SGCD: variants seen among roughly 807,000 people sequenced by gnomAD.
The protein encoded by SGCD is delta-sarcoglycan.
A neutral mutation model predicts 36.6 loss-of-function variants in SGCD; 18 were observed. The ratio of observed to expected loss-of-function variants is 0.49; its 90% CI spans 0.34 to 0.73. The LOEUF (loss-of-function observed/expected upper bound fraction) is 0.73. Among genes scored for constraint, SGCD ranks in the 30% least tolerant of loss-of-function variants. The probability of loss-of-function intolerance (pLI) is 0.01; values close to 1 mark genes in which losing one functional copy is unlikely to be tolerated. For synonymous variants in SGCD, 133 were observed against 130.6 expected, an observed-to-expected ratio of 1.02 and a Z score of -0.12; for missense variants, 387 against 346.7, an observed-to-expected ratio of 1.12 and a Z score of -0.92.
chr5:156,352,158 A>T (rs7447475), intron 3 of SGCD, among the ~76,000 whole-genome samples: 1 of 152,040 alleles, frequency 6.6e-6, no homozygotes, highest in Non-Finnish European at 1.5e-5. Context: ...TGTAGTATTG[A>T]TCATGTAGAC....
chr5:156,089,405 T>C (rs1047398966), intron 1 of SGCD, among the ~76,000 whole-genome samples: 1 of 152,226 alleles, frequency 6.6e-6, no homozygotes, highest in African/African-American at 2.4e-5. Flanking sequence ...ATTAAATCTG[T>C]AATGCTTGAC....
chr5:156,286,445 C>G (rs1766599428), intron 3 of SGCD, among the ~76,000 whole-genome samples: 1 of 152,162 alleles, frequency 6.6e-6, no homozygotes, highest in Admixed American at 6.5e-5. Context: ...CAATGATAGA[C>G]TGGATTAAGA....
intron 3 of SGCD, among the ~76,000 whole-genome samples, chr5:156,376,635 T>C (rs1265343159): frequency 6.6e-6 from 1 of 152,150 alleles, no homozygotes; most frequent in East Asian, 1.9e-4. Flanking sequence ...TAGAATAAAA[T>C]GGTTTATGTG....
intron 3 of SGCD, among the ~76,000 whole-genome samples, chr5:156,450,386 G>T (rs1158463022): frequency 3.3e-5 from 5 of 152,034 alleles, no homozygotes. Flanking sequence ...GGGGCTTAAG[G>T]AGACAGTAAA....
chr5:155,979,728 G>A (rs188238640), intron 1 of SGCD, among the ~76,000 whole-genome samples: 1 of 152,136 alleles, frequency 6.6e-6, no homozygotes, highest in South Asian at 2.1e-4. Context: ...GACAGCTGAG[G>A]GCTGTCTGCT....
chr5:156,573,775 C>T (rs1213561686), intron 4 of SGCD, among the ~76,000 whole-genome samples: 1 of 152,130 alleles, frequency 6.6e-6, no homozygotes, highest in Non-Finnish European at 1.5e-5. Context: ...CTCACTGTAA[C>T]CTCAAACTCC....
At chr5:156,423,347 ATAATTT>A (rs1287596706) in intron 3 of SGCD, among the ~76,000 whole-genome samples, 1 of 37,476 alleles carries the variant, frequency 2.7e-5, no homozygotes, top group Non-Finnish European at 4.7e-5. Context: ...ATAATATATT[ATAATTT>A]TATTATAATA....
chr5:156,610,507 G>A (rs935593944), intron 6 of SGCD, among the ~76,000 whole-genome samples: 1 of 152,242 alleles, frequency 6.6e-6, no homozygotes, highest in East Asian at 1.9e-4. Flanking sequence ...ACTTGAGGGG[G>A]CAGTCTGTCC....
intron 3 of SGCD, among the ~76,000 whole-genome samples, chr5:156,277,762 G>A (rs187791641): frequency 7.0e-4 from 106 of 152,234 alleles, no homozygotes; most frequent in African/African-American, 2.1e-3. Flanking sequence ...AGCCTTTCCC[G>A]TTATGCTTAA....
intron 1 of SGCD, among the ~76,000 whole-genome samples, chr5:155,882,651 A>AT (rs906618545): frequency 1.3e-5 from 2 of 151,518 alleles, no homozygotes; most frequent in Admixed American, 1.3e-4. Context: ...ATTTCAAAGG[A>AT]TTTTTTTTTC....
chr5:155,763,609 T>G, the SGCD span, among the ~76,000 whole-genome samples: 1 of 152,190 alleles, frequency 6.6e-6, no homozygotes, highest in African/African-American at 2.4e-5. Context: ...TAGAAAAAAC[T>G]AAAGCGACAT....
intron 3 of SGCD, among the ~76,000 whole-genome samples, chr5:156,428,978 T>C (rs1234954278): frequency 6.6e-6 from 1 of 152,086 alleles, no homozygotes; most frequent in Non-Finnish European, 1.5e-5. Flanking sequence ...TAGAGAATAT[T>C]CCACATGCTG....
chr5:156,340,161 A>C (rs997945320), intron 2 of SGCD, among the ~76,000 whole-genome samples: 1 of 152,228 alleles, frequency 6.6e-6, no homozygotes, highest in Non-Finnish European at 1.5e-5. Flanking sequence ...AACATTTATG[A>C]TTATATATGC....
chr5:156,760,541 T>C lies in SGCD; in HGVS notation c.*1151T>C, dbSNP rs981521901. ...CCTAAAGCCACTATTGTGTTTTCTC[T>C]AAGAAGCACTACATGCCACCAGAAT... On this transcript the variant is annotated 3_prime_UTR_variant, in exon 9 of 9. Transcript: ENST00000337851. The C allele has an allele frequency of 6.6e-6, 1 of 152,606 alleles. No homozygotes were observed. Among genetic ancestry groups the C allele is most frequent in the African/African-American group, 2.4e-5 (1 of 41,450 alleles). The allele number at this position is 152,606 out of a possible 1,614,324, so 9.5% of individuals were successfully genotyped here.
At position 156,746,195 on chromosome 5, in the gene SGCD, C is replaced by CACA. The variant is rs1425778596; in HGVS notation, c.576-11382_576-11380dup. Among the ~76,000 whole-genome samples the CACA allele has an allele frequency of 4.6e-5, 7 of 151,538 alleles. No individual in the cohort carries two copies. In the South Asian group the frequency reaches 1.5e-3, roughly 32 times the overall value. On this transcript the variant is annotated intron_variant, in intron 7 of 8. Transcript: ENST00000337851. ...TTAGACTGACAGCTGACTTCTTCATCACAACAGTGAGAAGCAGAATGTGAA... is the reference window on the plus strand; with the variant it reads ...TTAGACTGACAGCTGACTTCTTCATCACAACAACAGTGAGAAGCAGAATGTGAA...
chr5:155,897,969 A>C (rs1756304680), intron 1 of SGCD, among the ~76,000 whole-genome samples: 1 of 152,230 alleles, frequency 6.6e-6, no homozygotes, highest in African/African-American at 2.4e-5. Flanking sequence ...GACATAACAT[A>C]ATACATAGCA....
At chr5:155,939,521 G>A (rs1012340953) in intron 1 of SGCD, among the ~76,000 whole-genome samples, 1 of 151,550 alleles carries the variant, frequency 6.6e-6, no homozygotes, top group Admixed American at 6.6e-5. Context: ...ACATGTGCCT[G>A]TAGTCCCAGC....
At chr5:156,355,369 G>A (rs1164905053) in intron 3 of SGCD, among the ~76,000 whole-genome samples, 1 of 151,336 alleles carries the variant, frequency 6.6e-6, no homozygotes, top group African/African-American at 2.5e-5. Flanking sequence ...CTGATTAACA[G>A]CCAAGATAAC....
Position 156,344,689 on chromosome 5 carries a change from C to A in SGCD, c.192+12C>A, listed in dbSNP as rs1258274458. On this transcript the variant is annotated intron_variant, in intron 3 of 8. Coordinates refer to ENST00000337851, the MANE Select transcript of SGCD (RefSeq NM_000337.6). Reference sequence around the variant, plus strand: ...TGAACTTCACAATTGTAAGTAAAACCATCTAGGTTTGTTTAGCTTTCTTCC... The same window carrying A: ...TGAACTTCACAATTGTAAGTAAAACAATCTAGGTTTGTTTAGCTTTCTTCC... 6.3e-7 allele frequency: 1 copy of A among 1,584,386 alleles called. No homozygotes were observed. The highest frequency in any genetic ancestry group is 8.6e-7 in the Non-Finnish European group (1 of 1,164,940).
Sources: gnomAD v4.1 joint callset for allele counts (sites outside exome capture counted in the v4.1 genomes callset) on GRCh38, gnomAD v4.1.1 for gene constraint, MANE v1.5 for transcripts, NCBI Gene and HGNC (gene_info 2026-07-23, HGNC 2026-07-21) for gene names.